The following UBR4 variants were observed in gnomAD, a reference collection of about 807,000 sequenced individuals.
UBR4 encodes ubiquitin protein ligase E3 component n-recognin 4.
Under a neutral mutation model 575.6 loss-of-function variants are expected in UBR4, and 124 were observed. The ratio of observed to expected loss-of-function variants is 0.22; its 90% CI spans 0.19 to 0.25. The LOEUF (loss-of-function observed/expected upper bound fraction) is 0.25, where lower values mean the gene tolerates loss of function less well. Among genes scored for constraint, UBR4 ranks in the 10% least tolerant of loss-of-function variants. The pLI, the probability that UBR4 is intolerant of heterozygous loss-of-function variation, is 1.00. For missense variants in UBR4, 4,818 were observed against 6,478.8 expected (o/e 0.74, Z 8.80); for synonymous variants, 2,455 against 2,473.7 (o/e 0.99, Z 0.22).
At chr1:19,121,478 A>G (rs764128009) in intron 67 of UBR4, 44 bp from the exon 68 acceptor site, 1 of 1,583,916 alleles carries the variant, frequency 6.3e-7, no homozygotes. Context: ...GACGACCTCA[A>G]CCAGACTCAG....
intron 14 of UBR4, among the ~76,000 whole-genome samples, 169 bp downstream of exon 14, chr1:19,186,371 T>C (rs1438942553): frequency 6.6e-6 from 1 of 152,224 alleles, no homozygotes; most frequent in African/African-American, 2.4e-5. Context: ...CTCAACTTGC[T>C]CTTAAATAAC....
intron 90 of UBR4, among the ~76,000 whole-genome samples, chr1:19,097,936 T>A (rs1295081283): frequency 6.6e-6 from 1 of 152,200 alleles, no homozygotes; most frequent in East Asian, 1.9e-4. Flanking sequence ...CTTTTATAAA[T>A]GACAAAATTA....
chr1:19,174,525 C>T, intron 21 of UBR4, 78 bp from the exon 22 acceptor site: 1 of 1,529,046 alleles, frequency 6.5e-7, no homozygotes, highest in East Asian at 2.3e-5. Flanking sequence ...TATCACTTAT[C>T]CTCATGATTG....
At chr1:19,079,609 C>G (rs2076286891) in intron 103 of UBR4, 1 of 152,250 alleles carries the variant, frequency 6.6e-6, no homozygotes, top group African/African-American at 2.4e-5. Flanking sequence ...ACCCCTTACC[C>G]CATGACTTAC....
chr1:19,125,185 A>G (rs914468266), intron 64 of UBR4, among the ~76,000 whole-genome samples: 2 of 152,228 alleles, frequency 1.3e-5, no homozygotes, highest in African/African-American at 4.8e-5. Context: ...GGCAGAGGTA[A>G]ATGAGAGATG....
In UBR4 at chr1:19,155,220, C is replaced by G. The variant is rs1290245765; in HGVS notation, c.6301-145G>C. The G allele has an allele frequency of 6.4e-6, 8 of 1,248,548 alleles. No homozygotes were observed. The Admixed American group carries it at 2.0e-4, about 31-fold the overall frequency. The allele number at this position is 1,248,548 out of a possible 1,614,324, so 77.3% of individuals were successfully genotyped here. The stretch of plus-strand genomic sequence containing the variant: ...CCCTGTGGGTAAATCTTACAAAGAC[C>G]CTGAGAAAAATGGAACTTGAAGTTG... On this transcript the variant is annotated intron_variant, in intron 43 of 105. Coordinates refer to ENST00000375254, the MANE Select transcript of UBR4 (RefSeq NM_020765.3).
Position 19,104,254 on chromosome 1 carries a change from A to C in UBR4, c.12731T>G (p.Leu4244Arg). The change falls in exon 87 of 106, where the codon CTT (leucine) becomes CGT (arginine). Residue 4244 changes from leucine (L) to arginine (R), a missense_variant. Transcript: ENST00000375254. Reference protein sequence around the residue: ...QGYALKSLTGLLSSFVEVESI... With the variant: ...QGYALKSLTGRLSSFVEVESI... ...TTCCACCTCAACAAAGGAGGAGAGA[A>C]GGCCTGTGGAGACAGGAAAATGTTG... 6.2e-7 allele frequency: 1 copy of C among 1,614,020 alleles called. No homozygotes were observed.
At chr1:19,078,104 T>C (rs2076134748) in intron 103 of UBR4, 38 bp from the exon 104 acceptor site, 1 of 1,599,898 alleles carries the variant, frequency 6.3e-7, no homozygotes, top group Non-Finnish European at 8.5e-7. Flanking sequence ...ATGAAGTCCC[T>C]AGGAGGATAC....
rs374826688 is a variant in UBR4, at chr1:19,123,077, C to A, written c.9589-17G>T. On this transcript the variant is annotated splice_polypyrimidine_tract_variant and intron_variant, in intron 65 of 105. Transcript: ENST00000375254. ...CATGAGGTACTTGAGAAGAAAAACACCACAAAGAGTAAATGACTCTGGGAC... is the reference window on the plus strand; with the variant it reads ...CATGAGGTACTTGAGAAGAAAAACAACACAAAGAGTAAATGACTCTGGGAC... The A allele has an allele frequency of 3.5e-5, 56 of 1,612,448 alleles. No homozygotes were observed. In the East Asian group the frequency reaches 3.6e-4, roughly 10 times the overall value.
In UBR4 at chr1:19,153,822, C is replaced by T. The variant is rs752984299; in HGVS notation, c.6576G>A (p.Val2192=). ...QTTGVPLVVM[V]KPDTFLIQEI... ...CCTGGATAAGAAAAGTGTCTGGTTT[C>T]ACCATAACTACCAGCGGCACCCCTG... Residue 2192 remains valine, a synonymous_variant, in exon 45 of 106, where the codon GTG becomes GTA. Coordinates refer to ENST00000375254, the MANE Select transcript of UBR4 (RefSeq NM_020765.3). The surrounding 1 kb of genome is among the most constrained non-coding windows in gnomAD (Gnocchi z 4.1). The T allele has an allele frequency of 2.1e-5, 34 of 1,614,084 alleles. No individual in the cohort carries two copies. The highest frequency in any genetic ancestry group is 2.5e-5 in the Non-Finnish European group (30 of 1,180,034).
At position 19,112,686 on chromosome 1, in the gene UBR4, G is replaced by T. The variant is rs1391260792; in HGVS notation, c.11639C>A (p.Thr3880Lys). The change falls in exon 78 of 106, where the codon ACA becomes AAA. Residue 3880 changes from threonine to lysine, a missense_variant. This residue lies in a region of UBR4 where 333 missense variants were observed against 459.2 expected (regional missense o/e 0.73). Transcript: ENST00000375254. ...TKCYGCASAVTEHCITLLRAL... is the reference protein window; with the variant it reads ...TKCYGCASAVKEHCITLLRAL... ...CCGAAGTAGTGTGATACAATGTTCT[G>T]TGACAGCCGAGGCGCAGCCATAGCA... The T allele has an allele frequency of 6.2e-7, 1 of 1,614,264 alleles. No individual in the cohort carries two copies. Among genetic ancestry groups the T allele is most frequent in the East Asian group, 2.2e-5 (1 of 44,886 alleles).
In UBR4 at chr1:19,121,346, G is replaced by A. The variant is rs201979796; in HGVS notation, c.9984C>T (p.Cys3328=). 1.7e-5 allele frequency: 28 copies of A among 1,614,178 alleles called. No individual in the cohort carries two copies. The highest frequency in any genetic ancestry group is 6.7e-5 in the East Asian group (3 of 44,878). ...VLLQLLSCAL[C]GSKVLAALAA... ...CCAGTGCAGCGAGCACCTTGCTGCC[G>A]CACAGAGCACAGGAGAGCAGTTGCA... Residue 3328 remains cysteine (C), a synonymous_variant, in exon 68 of 106, where the codon TGC becomes TGT. Coordinates refer to ENST00000375254, the MANE Select transcript of UBR4 (RefSeq NM_020765.3).
chr1:19,122,043 T>C lies in UBR4; in HGVS notation c.9817-31A>G, dbSNP rs756566899. 6.8e-6 allele frequency: 11 copies of C among 1,610,290 alleles called. No individual in the cohort carries two copies. The South Asian group carries it at 1.2e-4, about 18-fold the overall frequency. On this transcript the variant is annotated intron_variant, in intron 66 of 105. Coordinates refer to ENST00000375254, the MANE Select transcript of UBR4 (RefSeq NM_020765.3). The stretch of plus-strand genomic sequence containing the variant: ...ATAGGAACCAACCACGGGAAAGGAG[T>C]AACTCCACCACATTGCCCAGACAAG...
chr1:19,118,896 T>C lies in UBR4; in HGVS notation c.10517A>G (p.Asn3506Ser), dbSNP rs984152979. 11 of 1,614,028 alleles carry C rather than the reference T, an allele frequency of 6.8e-6. No homozygotes were observed. Among genetic ancestry groups the C allele is most frequent in the African/African-American group, 2.7e-5 (2 of 74,904 alleles). ...ILRTQNHILTNHPNSNIYNTL... is the reference protein window; with the variant it reads ...ILRTQNHILTSHPNSNIYNTL... ...CTTATAAATGTTCGAGTTGGGGTGG[T>C]TGGTAAGAATATGGTTTTGAGTCCG... is the stretch of plus-strand genomic sequence containing the variant. The change falls in exon 71 of 106, where the codon AAC becomes AGC. Residue 3506 changes from asparagine (N) to serine (S), a missense_variant. By Grantham distance (46) the Asn-to-Ser change is conservative. Around this residue, in one of 29 missense-constraint regions of UBR4, gnomAD observed 550 missense variants for 791.5 expected, o/e 0.69. Coordinates refer to ENST00000375254, the MANE Select transcript of UBR4 (RefSeq NM_020765.3).
In UBR4 at chr1:19,117,213, G is replaced by A; in HGVS notation, c.10823+8C>T. ...TGCTGCCCCTCCCGAGGCCTAAAAA[G>A]CCCGTACTTGTTTTTCAACTCCACG... On this transcript the variant is annotated splice_region_variant and intron_variant, in intron 73 of 105. Transcript: ENST00000375254. The surrounding 1 kb of genome is among the most constrained non-coding windows in gnomAD (Gnocchi z 4.0). 6.2e-7 allele frequency: 1 copy of A among 1,610,628 alleles called. No homozygotes were observed. Among genetic ancestry groups the A allele is most frequent in the Non-Finnish European group, 8.5e-7 (1 of 1,177,314 alleles).
At position 19,110,603 on chromosome 1, in the gene UBR4, T is replaced by C. The variant is rs2079742179; in HGVS notation, c.11892+139A>G. 3 of 1,357,386 alleles carry C rather than the reference T, an allele frequency of 2.2e-6. No homozygotes were observed. In the Admixed American group the frequency reaches 5.2e-5, roughly 24 times the overall value. 84.1% of individuals were successfully genotyped at this position (1,357,386 alleles called of 1,614,324 possible). A position where few individuals can be genotyped will look rare whatever the true frequency, so the allele number is the denominator to read the frequency against. On this transcript the variant is annotated intron_variant, in intron 79 of 105. Transcript: ENST00000375254. The surrounding 1 kb of genome is among the most constrained non-coding windows in gnomAD (Gnocchi z 4.5). ...CGGAGACCCTTGTGCTCCAGGCTCT[T>C]CCCTGGGAAAACCATTCTGGGGTAA...
At chr1:19,128,884 C>T (rs1557700020) in intron 61 of UBR4, 94 bp downstream of exon 61, 13 of 1,127,562 alleles carry the variant, frequency 1.2e-5, no homozygotes, top group South Asian at 2.6e-5. Context: ...TAACACCAAA[C>T]GAAGGCTTCC....
intron 13 of UBR4, 82 bp downstream of exon 13, chr1:19,187,082 A>G (rs2091606927): frequency 2.3e-6 from 2 of 887,528 alleles, no homozygotes; most frequent in Admixed American, 5.1e-5. Context: ...AGTTTTATAT[A>G]TATATATATA....
At chr1:19,119,405 G>A (rs757218815) in intron 70 of UBR4, 152 bp downstream of exon 70, 23 of 1,078,008 alleles carry the variant, frequency 2.1e-5, no homozygotes, top group South Asian at 8.1e-5. Flanking sequence ...GACATATTAC[G>A]AGTGCTTACC....
Sources: allele counts gnomAD v4.1 joint callset (sites outside exome capture counted in the v4.1 genomes callset), GRCh38; gene constraint gnomAD v4.1.1; regional missense constraint gnomAD v4.1.1; non-coding constraint Gnocchi (gnomAD v3.1); transcripts MANE v1.5; gene names NCBI Gene and HGNC (gene_info 2026-07-23, HGNC 2026-07-21).